Variants in DOT1L observed in about 807,000 individuals in gnomAD.
DOT1L encodes histone-lysine N-methyltransferase, H3 lysine-79 specific.
A neutral mutation model predicts 153.3 loss-of-function variants in DOT1L; 33 were observed. That is an observed-to-expected ratio of 0.22 (90% CI 0.16 to 0.29). The LOEUF (loss-of-function observed/expected upper bound fraction) is 0.29, where lower values mean the gene tolerates loss of function less well. Among genes scored for constraint, DOT1L ranks in the 10% least tolerant of loss-of-function variants. DOT1L has a pLI of 1.00. For synonymous variants in DOT1L, 1,135 were observed against 965.1 expected (o/e 1.18, Z -3.26); for missense variants, 1,847 against 2,119.9 (o/e 0.87, Z 2.53).
chr19:2,228,165 C>G (rs781038150), intron 27 of DOT1L: 3 of 1,364,768 alleles, frequency 2.2e-6, no homozygotes, highest in African/African-American at 3.0e-5. Flanking sequence ...GCTCACCTCC[C>G]TCCCGCACAA....
At position 2,220,587 on chromosome 19, in the gene DOT1L, C is replaced by G. The variant is rs972214881; in HGVS notation, c.2806+365C>G. On this transcript the variant is annotated intron_variant, in intron 23 of 27. Coordinates refer to ENST00000398665, the MANE Select transcript of DOT1L (RefSeq NM_032482.3). The surrounding 1 kb of genome is among the most constrained non-coding windows in gnomAD (Gnocchi z 4.5). Reference sequence around the variant, plus strand: ...CACAGCAGTGCCCAATGGCACACGACCGTGGGCCTCCGTGCTGGTAGCGGC... The same window carrying G: ...CACAGCAGTGCCCAATGGCACACGAGCGTGGGCCTCCGTGCTGGTAGCGGC... The G allele has an allele frequency of 2.2e-6, 1 of 458,700 alleles. No homozygotes were observed. Among genetic ancestry groups the G allele is most frequent in the African/African-American group, 2.0e-5 (1 of 50,266 alleles). 28.4% of individuals were successfully genotyped at this position (458,700 alleles called of 1,614,324 possible).
Position 2,222,688 on chromosome 19 carries a change from C to A in DOT1L, c.3390+129C>A. ...GGCCGAGGCGGGTGGATCACAAGAT[C>A]AGGACATCAAGACCATCCTGGCTAA... On this transcript the variant is annotated intron_variant, in intron 24 of 27. Coordinates refer to ENST00000398665, the MANE Select transcript of DOT1L (RefSeq NM_032482.3). This position sits in a 1 kb window ranked among gnomAD's most constrained non-coding sequence, Gnocchi z 6.5. 1 of 887,766 alleles carries A rather than the reference C, an allele frequency of 1.1e-6. No individual in the cohort carries two copies. Among genetic ancestry groups the A allele is most frequent in the Non-Finnish European group, 1.7e-6 (1 of 601,070 alleles). 55.0% of individuals were successfully genotyped at this position (887,766 alleles called of 1,614,324 possible).
intron 5 of DOT1L, among the ~76,000 whole-genome samples, chr19:2,192,470 C>A (rs1398082082): frequency 6.6e-6 from 1 of 151,918 alleles, no homozygotes; most frequent in Non-Finnish European, 1.5e-5. Flanking sequence ...GTCAGGAGTT[C>A]GAGACCAGCC....
chr19:2,223,322 G>A lies in DOT1L; in HGVS notation c.3432G>A (p.Ser1144=), dbSNP rs762709423. Residue 1144 remains serine, a synonymous_variant, in exon 25 of 28, where the codon TCG becomes TCA. Transcript: ENST00000398665. ...AGCCCCTGGAGATTACAGCCATCTC[G>A]TCCCCGGAGACCTCCCTGAAGAGCT... ...INQPLEITAI[S]SPETSLKSSP... The A allele has an allele frequency of 2.5e-5, 40 of 1,613,538 alleles. No homozygotes were observed. Among genetic ancestry groups the A allele is most frequent in the South Asian group, 3.3e-5 (3 of 91,058 alleles).
intron 27 of DOT1L, chr19:2,228,138 G>A (rs767972885): frequency 7.3e-7 from 1 of 1,364,520 alleles, no homozygotes; most frequent in African/African-American, 1.5e-5. Flanking sequence ...GCCTGCTAAC[G>A]CCTCTTTGTC....
At chr19:2,200,476 A>G (rs1332958574) in intron 8 of DOT1L, among the ~76,000 whole-genome samples, 1 of 152,196 alleles carries the variant, frequency 6.6e-6, no homozygotes, top group Non-Finnish European at 1.5e-5. Context: ...CCTGGTGGCC[A>G]CGGGCTCTGT....
At chr19:2,195,890 G>T (rs2022996842) in intron 7 of DOT1L, among the ~76,000 whole-genome samples, 1 of 152,220 alleles carries the variant, frequency 6.6e-6, no homozygotes, top group Admixed American at 6.5e-5. Context: ...AGTTCAGAGG[G>T]ATGCATGAGG....
At chr19:2,228,783 G>A (rs2024478187) in intron 27 of DOT1L, 1 of 985,314 alleles carries the variant, frequency 1.0e-6, no homozygotes, top group Non-Finnish European at 1.2e-6. Context: ...GTGGCTTGGT[G>A]CTGTTCCCCA....
intron 16 of DOT1L, 35 bp downstream of exon 16, chr19:2,211,877 G>T (rs1214240846): frequency 1.3e-6 from 2 of 1,530,556 alleles, no homozygotes; most frequent in Non-Finnish European, 1.8e-6. Flanking sequence ...CCGCCTTCCC[G>T]CACAGAGGCA....
Position 2,217,221 on chromosome 19 carries a change from G to C in DOT1L, c.2544+131G>C, listed in dbSNP as rs910647949. On this transcript the variant is annotated intron_variant, in intron 21 of 27. Transcript: ENST00000398665. The surrounding 1 kb of genome is among the most constrained non-coding windows in gnomAD (Gnocchi z 7.3). Reference sequence around the variant, plus strand: ...GAGGTACTGGGGCTGACCTGGAGTAGGATGTTGTGGCAGAGTTGGGGGCAA... The same window carrying C: ...GAGGTACTGGGGCTGACCTGGAGTACGATGTTGTGGCAGAGTTGGGGGCAA... 7.6e-7 allele frequency: 1 copy of C among 1,308,572 alleles called. No homozygotes were observed. Among genetic ancestry groups the C allele is most frequent in the Admixed American group, 2.9e-5 (1 of 34,526 alleles). The allele number at this position is 1,308,572 out of a possible 1,614,324, so 81.1% of individuals were successfully genotyped here. A position where few individuals can be genotyped will look rare whatever the true frequency, so the allele number is the denominator to read the frequency against.
intron 1 of DOT1L, among the ~76,000 whole-genome samples, chr19:2,173,773 T>C (rs1338417710): frequency 6.6e-6 from 1 of 152,142 alleles, no homozygotes; most frequent in Non-Finnish European, 1.5e-5. Flanking sequence ...TGCGAGTGCC[T>C]CACTACGCAC....
intron 12 of DOT1L, among the ~76,000 whole-genome samples, 156 bp downstream of exon 12, chr19:2,209,132 G>C (rs1317420498): frequency 6.6e-6 from 1 of 151,866 alleles, no homozygotes; most frequent in African/African-American, 2.4e-5. Context: ...CCTCCTTCCT[G>C]CTCCTCCCCA....
chr19:2,207,689 C>T lies in DOT1L; in HGVS notation c.963+9C>T. ...CTATCGACCGCACCATAGTGAGTAT[C>T]TCGCTGCGCCTCAGCCGCAGGGCCG... On this transcript the variant is annotated intron_variant, in intron 11 of 27. Transcript: ENST00000398665. The surrounding 1 kb of genome is among the most constrained non-coding windows in gnomAD (Gnocchi z 4.5). 1 of 1,604,806 alleles carries T rather than the reference C, an allele frequency of 6.2e-7. No individual in the cohort carries two copies. Among genetic ancestry groups the T allele is most frequent in the Non-Finnish European group, 8.5e-7 (1 of 1,176,062 alleles).
chr19:2,206,058 G>A lies in DOT1L; in HGVS notation c.788-671G>A, dbSNP rs188716595. Among the ~76,000 whole-genome samples, 60 of 149,748 alleles carry A rather than the reference G, an allele frequency of 4.0e-4. No homozygotes were observed. The Middle Eastern group carries it at 0.015, about 37-fold the overall frequency. On this transcript the variant is annotated intron_variant, in intron 9 of 27. Coordinates refer to ENST00000398665, the MANE Select transcript of DOT1L (RefSeq NM_032482.3). Reference sequence around the variant, plus strand: ...ATCGCCCAGGCTGGAGTGCAGTGGCGCGATCTCGACTCACTTGCAGCTTCC... The same window carrying A: ...ATCGCCCAGGCTGGAGTGCAGTGGCACGATCTCGACTCACTTGCAGCTTCC...
intron 27 of DOT1L, chr19:2,228,162 T>A (rs1473129283): frequency 7.3e-7 from 1 of 1,362,276 alleles, no homozygotes; most frequent in Non-Finnish European, 9.8e-7. Flanking sequence ...CAAGCTCACC[T>A]CCCTCCCGCA....
At chr19:2,216,825 G>A (rs2023922478) in intron 20 of DOT1L, 60 bp downstream of exon 20, 3 of 1,556,268 alleles carry the variant, frequency 1.9e-6, no homozygotes, top group Non-Finnish European at 1.7e-6. Flanking sequence ...TGCCTGGTGT[G>A]CTCAGGCTGT....
chr19:2,200,959 G>C (rs35624732), intron 8 of DOT1L, among the ~76,000 whole-genome samples: 5 of 104,442 alleles, frequency 4.8e-5, no homozygotes, highest in Non-Finnish European at 9.8e-5. Flanking sequence ...CGTCCTCCCC[G>C]CATTCCTCGT....
At chr19:2,186,494 C>G (rs1236836211) in intron 3 of DOT1L, among the ~76,000 whole-genome samples, 1 of 112,818 alleles carries the variant, frequency 8.9e-6, no homozygotes, top group African/African-American at 3.1e-5. Context: ...CCTTTTTCAG[C>G]TCTTGAGTCT....
chr19:2,214,951 T>TA (rs1293238243), intron 19 of DOT1L, among the ~76,000 whole-genome samples: 3 of 152,140 alleles, frequency 2.0e-5, no homozygotes, highest in Non-Finnish European at 2.9e-5. Flanking sequence ...TGCAGGGGCT[T>TA]ATGCCTGTAA....
Sources: allele counts gnomAD v4.1 joint callset (sites outside exome capture counted in the v4.1 genomes callset), GRCh38; gene constraint gnomAD v4.1.1; non-coding constraint Gnocchi (gnomAD v3.1); transcripts MANE v1.5; gene names NCBI Gene and HGNC (gene_info 2026-07-23, HGNC 2026-07-21).